CMTM8: variants seen among roughly 807,000 people sequenced by gnomAD.
CMTM8 encodes the protein CKLF like MARVEL transmembrane domain containing 8, also known as CKLF-like MARVEL transmembrane domain-containing protein 8.
Under a neutral mutation model 18.6 loss-of-function variants are expected in CMTM8, and 12 were observed. That is an observed-to-expected ratio of 0.65 (90% confidence interval 0.41 to 1.05). CMTM8 has a LOEUF of 1.05. Among genes scored for constraint, CMTM8 ranks in the 50% least tolerant of loss-of-function variants. CMTM8 has a pLI of 0.00. For missense variants in CMTM8, 217 were observed against 227.2 expected (o/e 0.95, Z 0.29); for synonymous variants, 87 against 90.6 (o/e 0.96, Z 0.23).
chr3:32,256,824 T>C (rs537529159), intron 1 of CMTM8, among the ~76,000 whole-genome samples: 1 of 152,222 alleles, frequency 6.6e-6, no homozygotes, highest in African/African-American at 2.4e-5. Flanking sequence ...GCTGAGAATA[T>C]ATTCCTTGCA....
intron 1 of CMTM8, 35 bp from the exon 2 acceptor site, chr3:32,357,338 C>T (rs771967708): frequency 8.5e-6 from 13 of 1,537,322 alleles, no homozygotes; most frequent in South Asian, 7.9e-5. Flanking sequence ...CTTCTACTGT[C>T]CCCTCCTCTC....
At chr3:32,329,169 G>A (rs956448721) in intron 1 of CMTM8, among the ~76,000 whole-genome samples, 8 of 152,072 alleles carry the variant, frequency 5.3e-5, no homozygotes, top group African/African-American at 1.4e-4. Flanking sequence ...AGGTTTAAGC[G>A]ATTCTCTTGC....
intron 2 of CMTM8, among the ~76,000 whole-genome samples, chr3:32,359,748 T>A (rs4955283): frequency 6.6e-6 from 1 of 152,204 alleles, no homozygotes. Flanking sequence ...TGCCTTTAAT[T>A]GGACTTTTAA....
chr3:32,363,904 G>A (rs1233292413), intron 2 of CMTM8, among the ~76,000 whole-genome samples: 1 of 152,190 alleles, frequency 6.6e-6, no homozygotes, highest in East Asian at 1.9e-4. Context: ...ACAAGGTGGG[G>A]AGGGAAAAGG....
intron 2 of CMTM8, among the ~76,000 whole-genome samples, chr3:32,357,807 A>T (rs891855208): frequency 7.9e-5 from 12 of 152,222 alleles, no homozygotes; most frequent in Non-Finnish European, 1.8e-4. Flanking sequence ...CTGAATCAAG[A>T]AAAGCCAGGT....
intron 1 of CMTM8, among the ~76,000 whole-genome samples, chr3:32,269,368 C>G (rs1336140689): frequency 6.6e-6 from 1 of 152,176 alleles, no homozygotes; most frequent in Non-Finnish European, 1.5e-5. Context: ...TCTAAGATTC[C>G]TTTTAATTGT....
chr3:32,357,224 A>G (rs1432495672), intron 1 of CMTM8, 149 bp from the exon 2 acceptor site: 1 of 705,256 alleles, frequency 1.4e-6, no homozygotes, highest in Non-Finnish European at 2.3e-6. Flanking sequence ...AGCCTGGGCG[A>G]CGGGAGCGAG....
At chr3:32,361,288 T>TTGTTTTTTTTTTTTTTTG (rs1553608174) in intron 2 of CMTM8, among the ~76,000 whole-genome samples, 1 of 147,206 alleles carries the variant, frequency 6.8e-6, no homozygotes, top group Non-Finnish European at 1.5e-5. Flanking sequence ...GCCTAAGAGT[T>TTGTTTTTTTTTTTTTTTG]TTTTTTTCTT....
At chr3:32,264,480 C>T (rs1021300598) in intron 1 of CMTM8, among the ~76,000 whole-genome samples, 22 of 152,162 alleles carry the variant, frequency 1.4e-4, no homozygotes, top group African/African-American at 5.1e-4. Flanking sequence ...GAAACCCGTA[C>T]CAGCCACTGC....
intron 1 of CMTM8, among the ~76,000 whole-genome samples, chr3:32,302,767 C>G (rs1404089929): frequency 3.9e-5 from 6 of 152,190 alleles, no homozygotes; most frequent in Non-Finnish European, 8.8e-5. Context: ...TCCTTGGAAA[C>G]CTGTGCGCAC....
chr3:32,296,537 A>G (rs1266085696), intron 1 of CMTM8, among the ~76,000 whole-genome samples: 5 of 151,830 alleles, frequency 3.3e-5, no homozygotes, highest in Non-Finnish European at 7.4e-5. Flanking sequence ...TCCCTTTGCC[A>G]CTCCCTTGAG....
At chr3:32,354,232 G>A in intron 1 of CMTM8, among the ~76,000 whole-genome samples, 1 of 151,982 alleles carries the variant, frequency 6.6e-6, no homozygotes, top group East Asian at 1.9e-4. Flanking sequence ...TACAGATTCA[G>A]GTTTATCTTA....
chr3:32,300,754 T>C (rs1340516833), intron 1 of CMTM8, among the ~76,000 whole-genome samples: 1 of 151,136 alleles, frequency 6.6e-6, no homozygotes, highest in Non-Finnish European at 1.5e-5. Flanking sequence ...AGGTCGGGAG[T>C]TCAAGACCAG....
chr3:32,316,151 C>A (rs1322368114), intron 1 of CMTM8, among the ~76,000 whole-genome samples: 1 of 151,664 alleles, frequency 6.6e-6, no homozygotes, highest in African/African-American at 2.4e-5. Flanking sequence ...CCTCAGCCTC[C>A]CGAGTAGCTG....
chr3:32,357,387 G>A lies in CMTM8; in HGVS notation c.162G>A (p.Leu54=). Residue 54 remains leucine, a synonymous_variant, in exon 2 of 4, where the codon CTG becomes CTA. Coordinates refer to ENST00000307526, the MANE Select transcript of CMTM8 (RefSeq NM_178868.5). ...CCACTTTACAGGTTCTGGGGCTGCT[G>A]GTATGGACGCTTATTGCTGGAACTG... ...LIVAEIVLGL[L]VWTLIAGTEY... 2 of 1,613,806 alleles carry A rather than the reference G, an allele frequency of 1.2e-6. No individual in the cohort carries two copies. Among genetic ancestry groups the A allele is most frequent in the Non-Finnish European group, 1.7e-6 (2 of 1,179,950 alleles).
In CMTM8 at chr3:32,333,980, C is replaced by CT. The variant is rs950594532; in HGVS notation, c.148-23382dup. Among the ~76,000 whole-genome samples the CT allele has an allele frequency of 1.4e-3, 199 of 146,328 alleles. 1 individual carries two copies. Among genetic ancestry groups the CT allele is most frequent in the South Asian group, 4.8e-3 (22 of 4,596 alleles). On this transcript the variant is annotated intron_variant, in intron 1 of 3. Transcript: ENST00000307526. Reference sequence around the variant, plus strand: ...GCATGTTCCAATCAATTTTTCTTTTCTTTTTTTTTTTCTTCAAGACAGAGT... The same window carrying CT: ...GCATGTTCCAATCAATTTTTCTTTTCTTTTTTTTTTTTCTTCAAGACAGAGT...
At chr3:32,269,944 A>ATT (rs926656243) in intron 1 of CMTM8, among the ~76,000 whole-genome samples, 1,618 of 146,102 alleles carry the variant, frequency 0.011, 27 homozygotes, top group African/African-American at 0.038. Context: ...TGCCTGGCTA[A>ATT]TTTTTTTTTT....
At chr3:32,316,980 A>G (rs749203246) in intron 1 of CMTM8, among the ~76,000 whole-genome samples, 3 of 152,254 alleles carry the variant, frequency 2.0e-5, no homozygotes, top group Admixed American at 2.0e-4. Flanking sequence ...AGACTTACAT[A>G]TTACTCTAAG....
chr3:32,332,602 A>C (rs1287273197), intron 1 of CMTM8, among the ~76,000 whole-genome samples: 2 of 152,040 alleles, frequency 1.3e-5, no homozygotes, highest in African/African-American at 4.8e-5. Context: ...CTGATTAGGG[A>C]AGTGCCTTCT....
Sources: gnomAD v4.1 joint callset for allele counts (sites outside exome capture counted in the v4.1 genomes callset) on GRCh38, gnomAD v4.1.1 for gene constraint, MANE v1.5 for transcripts, NCBI Gene and HGNC (gene_info 2026-07-23, HGNC 2026-07-21) for gene names.